NOL4L: variants seen among roughly 807,000 people sequenced by gnomAD.
NOL4L encodes nucleolar protein 4 like, also known as nucleolar protein 4-like.
Under a neutral mutation model 64.5 loss-of-function variants are expected in NOL4L, and 7 were observed. The observed-to-expected ratio is 0.11, with a 90% CI of 0.06 to 0.20. The LOEUF (loss-of-function observed/expected upper bound fraction) is 0.20, where lower values mean the gene tolerates loss of function less well. Among genes scored for constraint, NOL4L ranks in the 10% least tolerant of loss-of-function variants. The pLI, the probability that NOL4L is intolerant of heterozygous loss-of-function variation, is 1.00. For synonymous variants in NOL4L, 413 were observed against 401.0 expected, an observed-to-expected ratio of 1.03 and a Z score of -0.36; for missense variants, 680 against 967.1, an observed-to-expected ratio of 0.70 and a Z score of 3.94.
intron 1 of NOL4L, among the ~76,000 whole-genome samples, chr20:32,555,099 G>A (rs1978565040): frequency 6.6e-6 from 1 of 152,038 alleles, no homozygotes; most frequent in Non-Finnish European, 1.5e-5. Context: ...TCTGCACCAT[G>A]TGCCCCCTCT....
rs1345994774 is a variant in NOL4L at position 32,443,431 on chromosome 20, A to G, written c.*4165T>C. The G allele has an allele frequency of 2.0e-5, 3 of 152,268 alleles. No individual in the cohort carries two copies. Among genetic ancestry groups the G allele is most frequent in the Non-Finnish European group, 4.4e-5 (3 of 68,038 alleles). 9.4% of individuals were successfully genotyped at this position (152,268 alleles called of 1,614,324 possible). A position where few individuals can be genotyped will look rare whatever the true frequency, so the allele number is the denominator to read the frequency against. On this transcript the variant is annotated 3_prime_UTR_variant, in exon 11 of 11. Coordinates refer to ENST00000621426, the MANE Select transcript of NOL4L (RefSeq NM_001256798.2). ...GAGCCACGTTAAGTTGCATAGGTGC[A>G]TATCTGTAAAAATATAATTTAGAGG...
At chr20:32,560,517 AAG>A (rs1978944824) in intron 1 of NOL4L, among the ~76,000 whole-genome samples, 1 of 152,238 alleles carries the variant, frequency 6.6e-6, no homozygotes, top group Non-Finnish European at 1.5e-5. Context: ...TAATAATAAA[AAG>A]AGAAACAATG....
At chr20:32,581,328 C>T (rs528189154) in intron 1 of NOL4L, among the ~76,000 whole-genome samples, 1 of 152,328 alleles carries the variant, frequency 6.6e-6, no homozygotes, top group East Asian at 1.9e-4. Context: ...TCCCCTCGCC[C>T]TCTCTCTGCC....
intron 6 of NOL4L, chr20:32,454,043 GA>G: frequency 2.3e-6 from 1 of 430,252 alleles, no homozygotes; most frequent in South Asian, 3.1e-5. Context: ...GAGCGCTTAG[GA>G]GGGTGTCAGC....
intron 1 of NOL4L, among the ~76,000 whole-genome samples, chr20:32,543,926 C>A (rs1037116654): frequency 1.3e-5 from 2 of 152,096 alleles, no homozygotes; most frequent in Non-Finnish European, 2.9e-5. Flanking sequence ...GCTGAAGGTG[C>A]GATGTTAAGT....
intron 5 of NOL4L, among the ~76,000 whole-genome samples, chr20:32,458,891 C>T (rs932085450): frequency 3.3e-5 from 5 of 152,372 alleles, no homozygotes; most frequent in African/African-American, 7.2e-5. Flanking sequence ...ACTTGCCCTC[C>T]GCCACTGTGA....
chr20:32,460,409 C>T lies in NOL4L; in HGVS notation c.842-4014G>A, dbSNP rs1269651060. On this transcript the variant is annotated intron_variant, in intron 5 of 10. Coordinates refer to ENST00000621426, the MANE Select transcript of NOL4L (RefSeq NM_001256798.2). This position sits in a 1 kb window ranked among gnomAD's most constrained non-coding sequence, Gnocchi z 5.7. ...CAGCCCCGGCATGCCAGCCCCCACC[C>T]CACACAGCTGCCCCCGCGCCACATG... Among the ~76,000 whole-genome samples, 4 of 152,202 alleles carry T rather than the reference C, an allele frequency of 2.6e-5. No homozygotes were observed. The highest frequency in any genetic ancestry group is 1.5e-5 in the Non-Finnish European group (1 of 68,036).
intron 4 of NOL4L, 62 bp from the exon 5 acceptor site, chr20:32,474,804 C>G: frequency 6.6e-7 from 1 of 1,509,254 alleles, no homozygotes; most frequent in Non-Finnish European, 8.9e-7. Flanking sequence ...CCTGAGGCAG[C>G]CTTGTGGGTG....
At chr20:32,584,461 A>C in intron 1 of NOL4L, 109 bp downstream of exon 1, 4 of 907,730 alleles carry the variant, frequency 4.4e-6, no homozygotes, top group Non-Finnish European at 4.3e-6. Flanking sequence ...CACACGGACA[A>C]CCTCAGGGAC....
intron 5 of NOL4L, among the ~76,000 whole-genome samples, chr20:32,458,693 C>A (rs1024021683): frequency 1.3e-5 from 2 of 152,250 alleles, no homozygotes; most frequent in Non-Finnish European, 2.9e-5. Flanking sequence ...GCCTTAGATT[C>A]CTCCTCTGGA....
intron 4 of NOL4L, chr20:32,486,599 A>C: frequency 2.5e-6 from 1 of 406,274 alleles, no homozygotes. Flanking sequence ...ATAGGATCTT[A>C]GCGTGACCAG....
rs546204941 is a variant in NOL4L, at chr20:32,535,959, G to T, written c.322-8046C>A. ...CTGGCCTGGCGGGGGCAGGGAGAGG[G>T]TCCACAGGAGGGTGCTGTAGAGGTG... On this transcript the variant is annotated intron_variant, in intron 1 of 10. Coordinates refer to ENST00000621426, the MANE Select transcript of NOL4L (RefSeq NM_001256798.2). The T allele has an allele frequency of 1.8e-5, 18 of 985,828 alleles. No homozygotes were observed. In the African/African-American group the frequency reaches 3.1e-4, roughly 17 times the overall value. The allele number at this position is 985,828 out of a possible 1,614,324, so 61.1% of individuals were successfully genotyped here.
intron 1 of NOL4L, 120 bp from the exon 2 acceptor site, chr20:32,528,033 G>A (rs939086329): frequency 1.4e-6 from 1 of 695,730 alleles, no homozygotes; most frequent in South Asian, 2.9e-5. Flanking sequence ...TCTTGGGGTG[G>A]GGAGGGGAGG....
chr20:32,505,711 G>A (rs6141314), intron 4 of NOL4L, among the ~76,000 whole-genome samples: 41,711 of 152,100 alleles, frequency 0.27, 7,128 homozygotes, highest in East Asian at 0.79. Flanking sequence ...GTGAGACCCT[G>A]TCTCAAAAAA....
chr20:32,498,128 G>A lies in NOL4L; in HGVS notation c.699+13219C>T, dbSNP rs565660911. ...TGGGGACAATGAGCTGTTCAGGTTC[G>A]GGGTATCTGCCAACCCCACCAGACA... On this transcript the variant is annotated intron_variant, in intron 4 of 10. Transcript: ENST00000621426. Among the ~76,000 whole-genome samples, 7 of 152,278 alleles carry A rather than the reference G, an allele frequency of 4.6e-5. No homozygotes were observed. In the East Asian group the frequency reaches 9.6e-4, roughly 21 times the overall value.
chr20:32,511,502 G>T (rs918802819), intron 3 of NOL4L, 46 bp from the exon 4 acceptor site: 32 of 1,374,888 alleles, frequency 2.3e-5, no homozygotes, highest in Middle Eastern at 1.8e-4. Context: ...TGTGCTGCGG[G>T]CCTGTTGCCC....
At position 32,460,417 on chromosome 20, in the gene NOL4L, C is replaced by T. The variant is rs968554230; in HGVS notation, c.842-4022G>A. ...GCATGCCAGCCCCCACCCCACACAG[C>T]TGCCCCCGCGCCACATGCTCTGGGG... On this transcript the variant is annotated intron_variant, in intron 5 of 10. Coordinates refer to ENST00000621426, the MANE Select transcript of NOL4L (RefSeq NM_001256798.2). This position sits in a 1 kb window ranked among gnomAD's most constrained non-coding sequence, Gnocchi z 5.7. 3.3e-5 allele frequency among the ~76,000 whole-genome samples: 5 copies of T among 152,222 alleles called. No homozygotes were observed. Among genetic ancestry groups the T allele is most frequent in the African/African-American group, 9.6e-5 (4 of 41,458 alleles).
At chr20:32,525,956 C>T (rs988763864) in intron 2 of NOL4L, among the ~76,000 whole-genome samples, 18 of 152,118 alleles carry the variant, frequency 1.2e-4, no homozygotes, top group Admixed American at 1.1e-3. Context: ...TAGGGTTTTG[C>T]CATGTTGGCC....
intron 1 of NOL4L, among the ~76,000 whole-genome samples, chr20:32,579,987 T>C (rs1279775508): frequency 1.3e-5 from 2 of 152,088 alleles, no homozygotes; most frequent in African/African-American, 4.8e-5. Context: ...GGCAGCAGCC[T>C]GTGAATACAG....
Sources: allele counts gnomAD v4.1 joint callset (sites outside exome capture counted in the v4.1 genomes callset), GRCh38; gene constraint gnomAD v4.1.1; non-coding constraint Gnocchi (gnomAD v3.1); transcripts MANE v1.5; gene names NCBI Gene and HGNC (gene_info 2026-07-23, HGNC 2026-07-21).